The following UST variants were observed in gnomAD, a reference collection of about 807,000 sequenced individuals.
The protein encoded by UST is uronyl 2-sulfotransferase, also known as chondroitin sulfate 2-O-sulfotransferase.
Under a neutral mutation model 45.6 loss-of-function variants are expected in UST, and 21 were observed. The ratio of observed to expected loss-of-function variants is 0.46; its 90% CI spans 0.33 to 0.66. The LOEUF is 0.66. Ranked by LOEUF, UST falls within the 30% of genes least tolerant of loss-of-function variation. The probability of loss-of-function intolerance (pLI) is 0.02; values close to 1 mark genes in which losing one functional copy is unlikely to be tolerated. For missense variants in UST, 463 were observed against 512.4 expected, an observed-to-expected ratio of 0.90 and a Z score of 0.93; for synonymous variants, 215 against 200.6, an observed-to-expected ratio of 1.07 and a Z score of -0.61.
intron 2 of UST, among the ~76,000 whole-genome samples, chr6:148,940,595 T>G (rs956063053): frequency 6.6e-6 from 1 of 152,170 alleles, no homozygotes; most frequent in African/African-American, 2.4e-5. Flanking sequence ...ATAGTATAGC[T>G]GTATTGAAAA....
chr6:148,826,754 T>A (rs1371842549), intron 1 of UST, among the ~76,000 whole-genome samples: 1 of 152,150 alleles, frequency 6.6e-6, no homozygotes, highest in East Asian at 1.9e-4. Context: ...TTTCTGGAAG[T>A]TCTAGGGCAG....
At chr6:148,992,853 T>A (rs909983421) in intron 5 of UST, 1 of 286,284 alleles carries the variant, frequency 3.5e-6, no homozygotes, top group Non-Finnish European at 5.2e-6. Context: ...TAACCTCTTT[T>A]GTGTCATGAA....
At chr6:149,028,387 G>A (rs548858151) in intron 7 of UST, among the ~76,000 whole-genome samples, 3 of 152,244 alleles carry the variant, frequency 2.0e-5, no homozygotes, top group African/African-American at 7.2e-5. Flanking sequence ...TAATTAGCCT[G>A]CCCACCAAGC....
intron 2 of UST, among the ~76,000 whole-genome samples, chr6:148,900,187 G>A (rs1370054480): frequency 2.0e-5 from 3 of 152,168 alleles, no homozygotes; most frequent in African/African-American, 7.2e-5. Flanking sequence ...TGTTGTGTCA[G>A]TGTGGAGTTG....
chr6:148,918,452 C>T (rs548430873), intron 2 of UST, among the ~76,000 whole-genome samples: 4 of 152,304 alleles, frequency 2.6e-5, no homozygotes, highest in African/African-American at 9.6e-5. Context: ...CAGCAGCTGA[C>T]ACCTGAATTT....
Position 149,032,785 on chromosome 6 carries a change from G to A in UST, c.937+11304G>A, listed in dbSNP as rs569262481. Among the ~76,000 whole-genome samples the A allele has an allele frequency of 6.6e-5, 10 of 152,310 alleles. No individual in the cohort carries two copies. In the South Asian group the frequency reaches 2.1e-3, roughly 32 times the overall value. ...TTACTCAGTGTGGTCAGACTTGGGG[G>A]TTGTACAGTTTTCTGTCTCATGATT... On this transcript the variant is annotated intron_variant, in intron 7 of 7. Transcript: ENST00000367463.
chr6:148,854,642 TA>T (rs1428443193), intron 1 of UST, among the ~76,000 whole-genome samples: 2 of 151,660 alleles, frequency 1.3e-5, no homozygotes, highest in South Asian at 2.1e-4. Flanking sequence ...TGCCTTGGAA[TA>T]AAAATATCAG....
intron 1 of UST, among the ~76,000 whole-genome samples, chr6:148,798,031 G>A (rs1776984912): frequency 1.3e-5 from 2 of 152,200 alleles, no homozygotes; most frequent in Non-Finnish European, 1.5e-5. Flanking sequence ...GTTTGAATTT[G>A]AGAGTGTTCA....
intron 7 of UST, among the ~76,000 whole-genome samples, chr6:149,068,845 A>G (rs1391399766): frequency 4.6e-5 from 7 of 152,314 alleles, no homozygotes; most frequent in Middle Eastern, 3.4e-3. Flanking sequence ...TACATCTTCT[A>G]TATAACTGTA....
intron 1 of UST, among the ~76,000 whole-genome samples, chr6:148,840,275 C>G (rs1257901377): frequency 6.6e-6 from 1 of 152,190 alleles, no homozygotes; most frequent in East Asian, 1.9e-4. Context: ...GCTGGAACCA[C>G]TGGAGCCAGG....
At chr6:148,871,235 C>T (rs970151354) in intron 1 of UST, among the ~76,000 whole-genome samples, 3 of 151,692 alleles carry the variant, frequency 2.0e-5, no homozygotes, top group Non-Finnish European at 4.4e-5. Flanking sequence ...AGGGCTCTCA[C>T]TGGAACTTGA....
At chr6:149,005,237 A>C (rs1032196830) in intron 5 of UST, 3 of 961,102 alleles carry the variant, frequency 3.1e-6, no homozygotes, top group Non-Finnish European at 3.7e-6. Flanking sequence ...TCCCCAACAG[A>C]CCCTCTGTGT....
rs115456556 is a variant in UST at position 149,045,661 on chromosome 6, A to G, written c.937+24180A>G. Among the ~76,000 whole-genome samples, 796 of 152,280 alleles carry G rather than the reference A, an allele frequency of 5.2e-3. 5 individuals are homozygous for G. Among genetic ancestry groups the G allele is most frequent in the African/African-American group, 0.019 (771 of 41,552 alleles). ...GATTCTAGTTCACTATTGCCCTCTC[A>G]TATACAGAACATCTCTCTCCTGCAG... is the stretch of plus-strand genomic sequence containing the variant. On this transcript the variant is annotated intron_variant, in intron 7 of 7. Coordinates refer to ENST00000367463, the MANE Select transcript of UST (RefSeq NM_005715.3).
chr6:148,877,676 A>G (rs1582871533), intron 1 of UST, among the ~76,000 whole-genome samples: 1 of 56,540 alleles, frequency 1.8e-5, no homozygotes, highest in Non-Finnish European at 3.1e-5. Context: ...GTCATGTATG[A>G]GTGCAGGGGG....
intron 5 of UST, among the ~76,000 whole-genome samples, chr6:149,004,828 C>G (rs1278841659): frequency 6.6e-6 from 1 of 152,058 alleles, no homozygotes; most frequent in East Asian, 1.9e-4. Flanking sequence ...GCTAGCTGAT[C>G]ACGTGCCTTT....
chr6:148,962,007 C>T lies in UST; in HGVS notation c.528-2403C>T, dbSNP rs1029217003. Among the ~76,000 whole-genome samples the T allele has an allele frequency of 2.0e-5, 3 of 152,182 alleles. No homozygotes were observed. The East Asian group carries it at 5.8e-4, about 29-fold the overall frequency. ...ACGGACGTGTCACCCCAGATTTTCC[C>T]AATTTGGCGGAAGCTGTGTGTACAG... On this transcript the variant is annotated intron_variant, in intron 4 of 7. Transcript: ENST00000367463.
chr6:148,804,612 G>A (rs989831003), intron 1 of UST, among the ~76,000 whole-genome samples: 5 of 152,158 alleles, frequency 3.3e-5, no homozygotes, highest in Non-Finnish European at 7.4e-5. Context: ...GGGGGGAGAA[G>A]TCAAGCTGGA....
chr6:148,770,934 G>A (rs1416111196), intron 1 of UST, among the ~76,000 whole-genome samples: 1 of 151,978 alleles, frequency 6.6e-6, no homozygotes, highest in East Asian at 1.9e-4. Flanking sequence ...GACTTTCAAA[G>A]TAACTTTAAT....
Position 148,816,445 on chromosome 6 carries a change from G to C in UST, c.247+68768G>C, listed in dbSNP as rs771553151. On this transcript the variant is annotated intron_variant, in intron 1 of 7. Coordinates refer to ENST00000367463, the MANE Select transcript of UST (RefSeq NM_005715.3). ...TCCAAATTGAGCATGTTACTGAAAGGAGAGACAGGATAAAAAGCAACTATC... is the reference window on the plus strand; with the variant it reads ...TCCAAATTGAGCATGTTACTGAAAGCAGAGACAGGATAAAAAGCAACTATC... 3.9e-4 allele frequency among the ~76,000 whole-genome samples: 59 copies of C among 152,224 alleles called. 1 individual carries two copies. Among genetic ancestry groups the C allele is most frequent in the Admixed American group, 3.4e-3 (52 of 15,280 alleles).
Sources: allele counts gnomAD v4.1 joint callset (sites outside exome capture counted in the v4.1 genomes callset), GRCh38; gene constraint gnomAD v4.1.1; transcripts MANE v1.5; gene names NCBI Gene and HGNC (gene_info 2026-07-23, HGNC 2026-07-21).